The following ZNF469 variants were observed in gnomAD, a reference collection of about 807,000 sequenced individuals.
The protein encoded by ZNF469 is zinc finger protein 469.
In ZNF469, 1 loss-of-function variant was observed where a neutral mutation model predicts 1.0. The observed-to-expected ratio is 1.00, with a 90% CI of 0.35 to 4.73. ZNF469 has a LOEUF of 4.73. ZNF469 is among the 30% of genes most tolerant of loss of function. The probability of loss-of-function intolerance (pLI) is 0.16; values close to 1 mark genes in which losing one functional copy is unlikely to be tolerated. For missense variants in ZNF469, 6,100 were observed against 5,356.3 expected, an observed-to-expected ratio of 1.14 and a Z score of -4.33; for synonymous variants, 2,703 against 2,363.4, an observed-to-expected ratio of 1.14 and a Z score of -4.17.
At chr16:88,357,628 G>C in the ZNF469 span, among the ~76,000 whole-genome samples, 75,833 of 152,086 alleles carry the variant, frequency 0.5, 19,585 homozygotes, top group East Asian at 0.77. Context: ...AGGGGAAGAG[G>C]GGGGGCCCGG....
At chr16:88,395,834 C>T (rs1027021813) in intron 1 of ZNF469, among the ~76,000 whole-genome samples, 2 of 152,204 alleles carry the variant, frequency 1.3e-5, no homozygotes, top group Non-Finnish European at 2.9e-5. Context: ...TGACAGGCAT[C>T]AGGCCGCACG....
chr16:88,351,872 T>A, the ZNF469 span, among the ~76,000 whole-genome samples: 2 of 152,170 alleles, frequency 1.3e-5, no homozygotes, highest in African/African-American at 4.8e-5. Context: ...CGCTCCAGCA[T>A]CTCATTTGAT....
the ZNF469 span, among the ~76,000 whole-genome samples, chr16:88,320,884 G>C: frequency 6.6e-6 from 1 of 152,236 alleles, no homozygotes; most frequent in Non-Finnish European, 1.5e-5. Context: ...CAGAGGGTGT[G>C]AGCTGCCCCC....
chr16:88,182,148 C>T, the ZNF469 span, among the ~76,000 whole-genome samples: 1 of 152,180 alleles, frequency 6.6e-6, no homozygotes, highest in East Asian at 1.9e-4. Context: ...ACATGAAATA[C>T]TTAATGATAA....
chr16:88,371,161 A>G, the ZNF469 span, among the ~76,000 whole-genome samples: 1 of 152,276 alleles, frequency 6.6e-6, no homozygotes, highest in Non-Finnish European at 1.5e-5. Flanking sequence ...GCTGTTACAC[A>G]GCAAAGCCTC....
At chr16:88,133,733 A>G in the ZNF469 span, among the ~76,000 whole-genome samples, 1 of 152,148 alleles carries the variant, frequency 6.6e-6, no homozygotes. Flanking sequence ...TTAAAGTTAT[A>G]AAATTCTTGT....
chr16:88,342,695 G>A, the ZNF469 span, among the ~76,000 whole-genome samples: 2 of 152,182 alleles, frequency 1.3e-5, no homozygotes, highest in Non-Finnish European at 2.9e-5. Context: ...GGCTGTGCCA[G>A]CAGGCGGTGG....
chr16:88,242,433 A>G, the ZNF469 span, among the ~76,000 whole-genome samples: 1 of 151,904 alleles, frequency 6.6e-6, no homozygotes, highest in East Asian at 1.9e-4. Context: ...TTGTGACCTC[A>G]CTTGGCCATC....
chr16:88,233,214 C>T, the ZNF469 span, among the ~76,000 whole-genome samples: 1 of 152,228 alleles, frequency 6.6e-6, no homozygotes, highest in Non-Finnish European at 1.5e-5. Flanking sequence ...AGCATCTCCC[C>T]TCCCACAGTG....
At chr16:88,330,982 C>A in the ZNF469 span, among the ~76,000 whole-genome samples, 1 of 152,126 alleles carries the variant, frequency 6.6e-6, no homozygotes, top group Non-Finnish European at 1.5e-5. Flanking sequence ...ACCATCGCCA[C>A]CACCATCACC....
the ZNF469 span, among the ~76,000 whole-genome samples, chr16:88,372,330 C>T: frequency 3.6e-5 from 3 of 82,502 alleles, no homozygotes; most frequent in African/African-American, 1.5e-4. Context: ...TCACCATCAC[C>T]ACCATCATCA....
At chr16:88,138,443 G>A in the ZNF469 span, among the ~76,000 whole-genome samples, 1 of 152,292 alleles carries the variant, frequency 6.6e-6, no homozygotes, top group African/African-American at 2.4e-5. Context: ...TTACTTCTTG[G>A]AATAACATAA....
At position 88,430,491 on chromosome 16, in the gene ZNF469, C is replaced by A. The variant is rs1276723683; in HGVS notation, c.3021C>A (p.Asp1007Glu). The change falls in exon 3 of 3, where the codon GAC (aspartate) becomes GAA (glutamate). Residue 1007 changes from aspartate to glutamate, a missense_variant. Transcript: ENST00000565624. The stretch of plus-strand genomic sequence containing the variant: ...CGCAGGCCCCCGGGAGCCGCGCAGA[C>A]CCCGCGCCCCGGGTCCCGAGAGCCG... Reference protein sequence around the residue: ...PRTQAPGSRADPAPRVPRAAA... With the variant: ...PRTQAPGSRAEPAPRVPRAAA... The A allele has an allele frequency of 1.4e-6, 2 of 1,421,292 alleles. No homozygotes were observed. Among genetic ancestry groups the A allele is most frequent in the Non-Finnish European group, 1.8e-6 (2 of 1,098,462 alleles). The allele number at this position is 1,421,292 out of a possible 1,614,324, so 88.0% of individuals were successfully genotyped here.
chr16:88,432,375 A>C lies in ZNF469; in HGVS notation c.4905A>C (p.Ala1635=). 6.5e-7 allele frequency: 1 copy of C among 1,549,058 alleles called. No individual in the cohort carries two copies. The highest frequency in any genetic ancestry group is 1.4e-5 in the African/African-American group (1 of 73,174). ...ADLTRVGEST[A]HREGAESAVA... ...TCACGCGCGTTGGAGAATCCACTGC[A>C]CATCGGGAGGGTGCGGAATCGGCTG... is the stretch of plus-strand genomic sequence containing the variant. The change falls in exon 3 of 3, where the codon GCA becomes GCC. Residue 1635 remains alanine (A), a synonymous_variant. Transcript: ENST00000565624.
chr16:88,198,708 G>A, the ZNF469 span, among the ~76,000 whole-genome samples: 2 of 152,354 alleles, frequency 1.3e-5, no homozygotes, highest in African/African-American at 4.8e-5. Flanking sequence ...TAGCTGGCCA[G>A]GCCTTGGAGT....
At chr16:88,266,874 G>C in the ZNF469 span, among the ~76,000 whole-genome samples, 2 of 152,254 alleles carry the variant, frequency 1.3e-5, no homozygotes, top group Non-Finnish European at 2.9e-5. Context: ...TCCGAAGGCA[G>C]TTTTAGTTGG....
Position 88,434,141 on chromosome 16 carries a change from ACCCTTCCT to A in ZNF469, c.6674_6681del (p.Pro2225LeufsTer69), listed in dbSNP as rs1362403449. On this transcript the variant is annotated frameshift_variant, in exon 3 of 3. Coordinates refer to ENST00000565624, the MANE Select transcript of ZNF469 (RefSeq NM_001367624.2). LOFTEE classifies it low-confidence loss of function (END_TRUNC). ...CAGGGGGAGGGCAGCCCCCTGGAAG[ACCCTTCCT>A]CCTGGCCTCCTGGCTCCGTCAGTGC... 1 of 1,550,028 alleles carries A rather than the reference ACCCTTCCT, an allele frequency of 6.5e-7. No individual in the cohort carries two copies. The highest frequency in any genetic ancestry group is 1.4e-5 in the African/African-American group (1 of 72,988).
the ZNF469 span, among the ~76,000 whole-genome samples, chr16:88,275,280 C>T: frequency 1.3e-5 from 2 of 152,224 alleles, no homozygotes; most frequent in Non-Finnish European, 2.9e-5. Flanking sequence ...TGGATCCCAG[C>T]AAGCACAGCC....
chr16:88,229,550 TCA>T, the ZNF469 span, among the ~76,000 whole-genome samples: 1 of 115,274 alleles, frequency 8.7e-6, no homozygotes, highest in Non-Finnish European at 1.7e-5. Context: ...CGTGTGGATG[TCA>T]CACGTGTGGA....
Sources: allele counts gnomAD v4.1 joint callset (sites outside exome capture counted in the v4.1 genomes callset), GRCh38; gene constraint gnomAD v4.1.1; transcripts MANE v1.5; gene names NCBI Gene and HGNC (gene_info 2026-07-23, HGNC 2026-07-21).